The following LMF1 variants were observed in gnomAD, a reference collection of about 807,000 sequenced individuals.
LMF1 encodes the protein lipase maturation factor 1, also known as transmembrane protein 112.
In LMF1, 68 loss-of-function variants were observed where a neutral mutation model predicts 60.6. The ratio of observed to expected loss-of-function variants is 1.12; its 90% CI spans 0.92 to 1.37. The LOEUF (loss-of-function observed/expected upper bound fraction) is 1.37. Among genes scored for constraint, LMF1 ranks in the 40% most tolerant of loss-of-function variants. The pLI, the probability that LMF1 is intolerant of heterozygous loss-of-function variation, is 0.00. For missense variants in LMF1, 948 were observed against 767.2 expected, an observed-to-expected ratio of 1.24 and a Z score of -2.78; for synonymous variants, 418 against 324.7, an observed-to-expected ratio of 1.29 and a Z score of -3.09.
At chr16:956,391 G>T (rs1463095487) in intron 1 of LMF1, among the ~76,000 whole-genome samples, 3 of 152,124 alleles carry the variant, frequency 2.0e-5, no homozygotes, top group Admixed American at 6.6e-5. Flanking sequence ...ATGTGTAAAC[G>T]TGAAGAATGA....
intron 3 of LMF1, among the ~76,000 whole-genome samples, chr16:927,307 C>T (rs146747952): frequency 2.9e-4 from 44 of 152,338 alleles, no homozygotes; most frequent in African/African-American, 9.1e-4. Context: ...ACCAGAGACA[C>T]GCAGGACCAC....
At chr16:976,132 G>A (rs954163519) in intron 1 of LMF1, 9 of 441,782 alleles carry the variant, frequency 2.0e-5, no homozygotes, top group Non-Finnish European at 3.6e-5. Flanking sequence ...TGGGCTGAGA[G>A]AGCCCCCCAG....
intron 4 of LMF1, among the ~76,000 whole-genome samples, chr16:898,610 G>A (rs1279099791): frequency 6.6e-6 from 1 of 152,232 alleles, no homozygotes; most frequent in Non-Finnish European, 1.5e-5. Flanking sequence ...CAGGTCACCA[G>A]ACACCATGAA....
intron 4 of LMF1, among the ~76,000 whole-genome samples, chr16:898,247 G>A (rs745840853): frequency 2.6e-5 from 4 of 152,244 alleles, no homozygotes; most frequent in Non-Finnish European, 4.4e-5. Flanking sequence ...CCCTGGGCTC[G>A]CTTGCTGCCT....
Position 932,171 on chromosome 16 carries a change from C to T in LMF1, c.514+2073G>A, listed in dbSNP as rs184169726. On this transcript the variant is annotated intron_variant, in intron 3 of 10. Transcript: ENST00000262301. ...CTCTGGGAGTCCACTGCCCCAGGCA[C>T]TTCCCCCCCACCCTACTTAGAGTAG... is the stretch of plus-strand genomic sequence containing the variant. 4.1e-3 allele frequency among the ~76,000 whole-genome samples: 620 copies of T among 152,360 alleles called. 6 individuals carry two copies. Among genetic ancestry groups the T allele is most frequent in the African/African-American group, 0.014 (592 of 41,578 alleles).
rs746347412 is a variant in LMF1, at chr16:854,625, C to T, written c.1611G>A (p.Arg537=). The part of the protein sequence containing the change: ...RHAAEGKWWV[R]KRIGAYFPPL... ...GAGGGAAGTAGGCTCCGATCCTCTT[C>T]CGCACCCACCACTTGCCCTCGGCGG... Residue 537 remains arginine, a synonymous_variant, in exon 11 of 11, where the codon CGG becomes CGA. Coordinates refer to ENST00000262301, the MANE Select transcript of LMF1 (RefSeq NM_022773.4). 7 of 1,607,456 alleles carry T rather than the reference C, an allele frequency of 4.4e-6. No homozygotes were observed. Among genetic ancestry groups the T allele is most frequent in the Admixed American group, 3.4e-5 (2 of 59,590 alleles).
At chr16:963,599 T>G (rs2072861502) in intron 1 of LMF1, among the ~76,000 whole-genome samples, 1 of 152,098 alleles carries the variant, frequency 6.6e-6, no homozygotes. Context: ...GTTCAGCCAC[T>G]GCACACTCCA....
In LMF1 at chr16:977,892, CCA is replaced by C. The variant is rs533356871; in HGVS notation, c.-135+3251_-135+3252del. Among the ~76,000 whole-genome samples, 206 of 148,316 alleles carry C rather than the reference CCA, an allele frequency of 1.4e-3. 2 individuals are homozygous for C. Among genetic ancestry groups the C allele is most frequent in the African/African-American group, 5.0e-3 (197 of 39,650 alleles). On this transcript the variant is annotated intron_variant, in intron 1 of 6. Transcript: ENST00000570014. Reference sequence around the variant, plus strand: ...CACACCCACACCCTGCACACATACACCACACACTAAACACACACACCACACAC... The same window carrying C: ...CACACCCACACCCTGCACACATACACCACACTAAACACACACACCACACAC...
intron 10 of LMF1, among the ~76,000 whole-genome samples, chr16:868,135 C>G (rs969997507): frequency 2.4e-4 from 36 of 152,224 alleles, no homozygotes; most frequent in Middle Eastern, 3.4e-3. Flanking sequence ...GGGATACAAA[C>G]GCTTGTCAGA....
intron 1 of LMF1, among the ~76,000 whole-genome samples, chr16:970,544 G>A (rs966231556): frequency 5.3e-5 from 8 of 152,200 alleles, no homozygotes; most frequent in Non-Finnish European, 7.4e-5. Flanking sequence ...GCTGCGGGTG[G>A]AACCGGGAGC....
In LMF1 at chr16:854,748, C is replaced by G. The variant is rs1224454294; in HGVS notation, c.1530-42G>C. ...GTCAGCCCAGGGCCTGCTGGGACTC[C>G]CGGCCCCCGACCCGGCTCCTCAGCC... On this transcript the variant is annotated intron_variant, in intron 10 of 10. Transcript: ENST00000262301. 5 of 1,531,362 alleles carry G rather than the reference C, an allele frequency of 3.3e-6. No homozygotes were observed. The Admixed American group carries it at 9.5e-5, about 29-fold the overall frequency. 94.9% of individuals were successfully genotyped at this position (1,531,362 alleles called of 1,614,324 possible). A position where few individuals can be genotyped will look rare whatever the true frequency, so the allele number is the denominator to read the frequency against.
At chr16:976,911 G>C (rs757802509) in intron 1 of LMF1, 7 of 454,036 alleles carry the variant, frequency 1.5e-5, no homozygotes, top group South Asian at 9.3e-5. Flanking sequence ...GCGGGTTCAC[G>C]GATCAGGAGG....
chr16:954,368 C>T lies in LMF1; in HGVS notation c.492G>A (p.Val164=). The T allele has an allele frequency of 6.2e-7, 1 of 1,612,066 alleles. No individual in the cohort carries two copies. The highest frequency in any genetic ancestry group is 8.5e-7 in the Non-Finnish European group (1 of 1,179,538). The change falls in exon 2 of 11, where the codon GTG becomes GTA. Residue 164 remains valine, a synonymous_variant. Transcript: ENST00000262301. ...LWGLYMSLVN[V]GHVWYSFGWE... Reference sequence around the variant, plus strand: ...TTCCTGCTACTCACCAGACATGGCCCACATTAACCAGGGACATGTAGAGGC... The same window carrying T: ...TTCCTGCTACTCACCAGACATGGCCTACATTAACCAGGGACATGTAGAGGC...
chr16:896,531 G>A (rs990998988), intron 4 of LMF1, among the ~76,000 whole-genome samples: 3 of 152,200 alleles, frequency 2.0e-5, no homozygotes, highest in Admixed American at 6.5e-5. Context: ...ACTGTTTCCC[G>A]CTTGGGCTCC....
chr16:979,586 G>C (rs756648489), intron 1 of LMF1: 1 of 452,844 alleles, frequency 2.2e-6, no homozygotes, highest in South Asian at 1.6e-5. Flanking sequence ...CTCCAGGGGT[G>C]CTGGAGTTCC....
chr16:923,971 C>G (rs1450296141), intron 3 of LMF1, among the ~76,000 whole-genome samples: 1 of 152,004 alleles, frequency 6.6e-6, no homozygotes, highest in Non-Finnish European at 1.5e-5. Flanking sequence ...AGATGAAAAA[C>G]GAAGCCAATC....
chr16:956,700 TG>T (rs1034788945), intron 1 of LMF1, among the ~76,000 whole-genome samples: 2 of 150,322 alleles, frequency 1.3e-5, no homozygotes, highest in African/African-American at 4.9e-5. Context: ...AAAAATTAGC[TG>T]GGCGTTGTGG....
rs1464610239 is a variant in LMF1 at position 873,131 on chromosome 16, CT to C, written c.898-1791del. ...CCCAGCTGCGCCCCGTTCAGCTGCT[CT>C]GGTGCATCTCTCGCCCTCCATCTGG... On this transcript the variant is annotated intron_variant, in intron 6 of 10. Coordinates refer to ENST00000262301, the MANE Select transcript of LMF1 (RefSeq NM_022773.4). 3 of 152,300 alleles carry C rather than the reference CT, an allele frequency of 2.0e-5. No homozygotes were observed. The East Asian group carries it at 5.8e-4, about 29-fold the overall frequency. The allele number at this position is 152,300 out of a possible 1,614,324, so 9.4% of individuals were successfully genotyped here.
At chr16:866,009 A>AT (rs1313239214) in intron 10 of LMF1, among the ~76,000 whole-genome samples, 1 of 152,106 alleles carries the variant, frequency 6.6e-6, no homozygotes, top group African/African-American at 2.4e-5. Flanking sequence ...CTGAGGCTGT[A>AT]TTTTTTATCA....
Sources: gnomAD v4.1 joint callset for allele counts (sites outside exome capture counted in the v4.1 genomes callset) on GRCh38, gnomAD v4.1.1 for gene constraint, MANE v1.5 for transcripts, NCBI Gene and HGNC (gene_info 2026-07-23, HGNC 2026-07-21) for gene names.